Variants in ASIC2 observed in about 807,000 individuals in gnomAD.
ASIC2 encodes acid-sensing ion channel 2.
In ASIC2, 25 loss-of-function variants were observed where a neutral mutation model predicts 57.3. The ratio of observed to expected loss-of-function variants is 0.44; its 90% CI spans 0.32 to 0.61. The LOEUF (loss-of-function observed/expected upper bound fraction) is 0.61, where lower values mean the gene tolerates loss of function less well. ASIC2 is among the 20% of genes least tolerant of loss of function. The pLI, the probability that ASIC2 is intolerant of heterozygous loss-of-function variation, is 0.06. For missense variants in ASIC2, 641 were observed against 738.1 expected, an observed-to-expected ratio of 0.87 and a Z score of 1.52; for synonymous variants, 319 against 307.5, an observed-to-expected ratio of 1.04 and a Z score of -0.39.
chr17:34,025,469 A>G (rs1027108394), intron 1 of ASIC2, among the ~76,000 whole-genome samples: 1 of 152,204 alleles, frequency 6.6e-6, no homozygotes, highest in Non-Finnish European at 1.5e-5. Flanking sequence ...CCGACCTTGC[A>G]TAAACATTCA....
At chr17:33,457,249 T>A (rs1205262529) in intron 1 of ASIC2, among the ~76,000 whole-genome samples, 1 of 149,360 alleles carries the variant, frequency 6.7e-6, no homozygotes, top group East Asian at 1.9e-4. Context: ...TGTTTTTCTT[T>A]TTTTTTTTTT....
intron 1 of ASIC2, among the ~76,000 whole-genome samples, chr17:33,218,281 TG>T (rs1364739606): frequency 4.6e-5 from 7 of 152,128 alleles, no homozygotes; most frequent in Admixed American, 4.6e-4. Flanking sequence ...TTCCTGATGC[TG>T]CGGGGCAGGC....
chr17:33,148,252 C>A (rs1367448863), intron 1 of ASIC2, among the ~76,000 whole-genome samples: 1 of 152,164 alleles, frequency 6.6e-6, no homozygotes, highest in Non-Finnish European at 1.5e-5. Flanking sequence ...TTGACACATA[C>A]CATATGCTAC....
At chr17:33,990,257 A>G (rs1905959010) in intron 1 of ASIC2, among the ~76,000 whole-genome samples, 1 of 152,180 alleles carries the variant, frequency 6.6e-6, no homozygotes, top group Non-Finnish European at 1.5e-5. Flanking sequence ...GTGTGCCTCC[A>G]TTTCCTCACC....
At chr17:34,132,755 C>T (rs1443780881) in intron 1 of ASIC2, among the ~76,000 whole-genome samples, 4 of 152,224 alleles carry the variant, frequency 2.6e-5, no homozygotes, top group African/African-American at 9.6e-5. Flanking sequence ...TAACAACTAC[C>T]TTCCCTACCA....
intron 1 of ASIC2, among the ~76,000 whole-genome samples, chr17:34,021,048 T>C (rs540822633): frequency 6.6e-6 from 1 of 152,084 alleles, no homozygotes; most frequent in South Asian, 2.1e-4. Context: ...TCAAGACTAC[T>C]GCCATCATAA....
At chr17:34,144,289 A>G (rs1482120876) in intron 1 of ASIC2, among the ~76,000 whole-genome samples, 1 of 152,208 alleles carries the variant, frequency 6.6e-6, no homozygotes, top group Non-Finnish European at 1.5e-5. Flanking sequence ...AAGCTACACA[A>G]TGATGAACAA....
At chr17:33,253,159 G>T (rs1325528711) in intron 1 of ASIC2, among the ~76,000 whole-genome samples, 2 of 152,152 alleles carry the variant, frequency 1.3e-5, no homozygotes, top group African/African-American at 2.4e-5. Context: ...AACAGAGAAG[G>T]TATACAACTT....
intron 1 of ASIC2, among the ~76,000 whole-genome samples, chr17:33,415,782 A>G (rs1180049455): frequency 1.3e-5 from 2 of 152,200 alleles, no homozygotes; most frequent in Non-Finnish European, 2.9e-5. Flanking sequence ...AAGGATTCTG[A>G]TCATGTTTTC....
chr17:34,078,417 G>A (rs920858170), intron 1 of ASIC2, among the ~76,000 whole-genome samples: 3 of 152,116 alleles, frequency 2.0e-5, no homozygotes, highest in African/African-American at 4.8e-5. Context: ...CGAATATAAC[G>A]ATGGATTGCT....
At chr17:33,230,712 G>T (rs915503181) in intron 1 of ASIC2, among the ~76,000 whole-genome samples, 6 of 152,016 alleles carry the variant, frequency 3.9e-5, no homozygotes, top group Admixed American at 3.9e-4. Context: ...GGGTAAGAAG[G>T]GGGGTAAGAG....
intron 1 of ASIC2, among the ~76,000 whole-genome samples, chr17:33,530,484 C>T (rs758698191): frequency 5.9e-5 from 9 of 152,240 alleles, no homozygotes; most frequent in Non-Finnish European, 8.8e-5. Context: ...TCATGGGTCA[C>T]CCTGGAGCTG....
intron 1 of ASIC2, among the ~76,000 whole-genome samples, chr17:34,008,221 C>T (rs1234018513): frequency 6.6e-6 from 1 of 152,202 alleles, no homozygotes; most frequent in Non-Finnish European, 1.5e-5. Flanking sequence ...AGTTCCTATT[C>T]TCAGGGAGAT....
chr17:33,090,075 T>C (rs1272452687), intron 2 of ASIC2, among the ~76,000 whole-genome samples: 2 of 152,188 alleles, frequency 1.3e-5, no homozygotes, highest in African/African-American at 4.8e-5. Flanking sequence ...CCTAGCCTTG[T>C]TCTGAGTAGC....
intron 1 of ASIC2, among the ~76,000 whole-genome samples, chr17:33,331,867 A>C (rs536369015): frequency 4.6e-5 from 7 of 152,360 alleles, no homozygotes; most frequent in African/African-American, 1.7e-4. Flanking sequence ...GCCAGGGTCC[A>C]AACTAGGCAA....
At chr17:33,772,883 G>T (rs531293095) in intron 1 of ASIC2, among the ~76,000 whole-genome samples, 5 of 152,276 alleles carry the variant, frequency 3.3e-5, no homozygotes, top group Admixed American at 3.3e-4. Flanking sequence ...TTTGAAAACC[G>T]GATACTTCCC....
chr17:33,492,380 G>A (rs1320671287), intron 1 of ASIC2, among the ~76,000 whole-genome samples: 2 of 152,176 alleles, frequency 1.3e-5, no homozygotes, highest in African/African-American at 4.8e-5. Flanking sequence ...AACCATAAAT[G>A]GGAATGATGA....
At chr17:33,771,384 A>G (rs6505376) in intron 1 of ASIC2, among the ~76,000 whole-genome samples, 106,486 of 152,058 alleles carry the variant, frequency 0.7, 37,906 homozygotes, top group Non-Finnish European at 0.74. Context: ...CCTGCATTCC[A>G]TGTGTGCAAA....
chr17:33,346,154 G>A (rs1907933558), intron 1 of ASIC2, among the ~76,000 whole-genome samples: 1 of 148,584 alleles, frequency 6.7e-6, no homozygotes, highest in African/African-American at 2.5e-5. Flanking sequence ...TTGAACCTGG[G>A]AGGCGGAGGT....
Sources: gnomAD v4.1 joint callset for allele counts (sites outside exome capture counted in the v4.1 genomes callset) on GRCh38, gnomAD v4.1.1 for gene constraint, MANE v1.5 for transcripts, NCBI Gene and HGNC (gene_info 2026-07-23, HGNC 2026-07-21) for gene names.